Variants in DEFB134 observed in about 807,000 individuals in gnomAD.
The protein encoded by DEFB134 is defensin beta 134, also known as beta-defensin 134.
A neutral mutation model predicts 7.4 loss-of-function variants in DEFB134; 7 were observed. The ratio of observed to expected loss-of-function variants is 0.95; its 90% CI spans 0.54 to 1.79. The LOEUF (loss-of-function observed/expected upper bound fraction) is 1.79, where lower values mean the gene tolerates loss of function less well. Among genes scored for constraint, DEFB134 ranks in the 40% most tolerant of loss-of-function variants. The pLI is 0.00. For missense variants in DEFB134, 105 were observed against 74.8 expected (o/e 1.40, Z -1.49); for synonymous variants, 33 against 25.0 (o/e 1.32, Z -0.96).
chr8:11,994,083 T>A (rs1227348947), exon 2 of DEFB134: 1 of 1,613,606 alleles, frequency 6.2e-7, no homozygotes, highest in Non-Finnish European at 8.5e-7. Context: ...GCCATTTTTA[T>A]AGCATTTCTT....
upstream of DEFB134, among the ~76,000 whole-genome samples, chr8:12,000,158 C>T (rs1303970899): frequency 6.6e-6 from 1 of 152,230 alleles, no homozygotes; most frequent in African/African-American, 2.4e-5. Context: ...GTGGGAGATG[C>T]AGAAGGAAGC....
In DEFB134 at chr8:11,993,899, T is replaced by A. The variant is rs1027831857; in HGVS notation, c.*81A>T. The A allele has an allele frequency of 9.7e-6, 15 of 1,547,160 alleles. No individual in the cohort carries two copies. In the East Asian group the frequency reaches 3.4e-4, roughly 35 times the overall value. ...TCATGGACACATCATGGTGTCACAGTTTGATCTAAATTCCCTGGTTTTGTG... is the reference window on the plus strand; with the variant it reads ...TCATGGACACATCATGGTGTCACAGATTGATCTAAATTCCCTGGTTTTGTG... On this transcript the variant is annotated 3_prime_UTR_variant, in exon 2 of 2. Coordinates refer to ENST00000526438, the Ensembl canonical transcript of DEFB134.
intron 1 of DEFB134, 76 bp from the exon 3 acceptor site, chr8:11,994,198 T>C: frequency 6.7e-7 from 1 of 1,487,976 alleles, no homozygotes; most frequent in Non-Finnish European, 9.0e-7. Flanking sequence ...CCTCAATTTT[T>C]ATCCAACCGG....
chr8:11,998,827 A>G (rs2150561370), upstream of DEFB134, among the ~76,000 whole-genome samples: 1 of 152,288 alleles, frequency 6.6e-6, no homozygotes, highest in East Asian at 1.9e-4. Context: ...ATCCAAAAAA[A>G]CACAATCAGA....
In DEFB134 at chr8:11,993,637, G is replaced by A. The variant is rs112544402; in HGVS notation, c.*343C>T. ...CGAAGCTGAAGCGAAGGTAGGACAC[G>A]ACTTAGGTGTCAAAAGTTGTTTCCC... On this transcript the variant is annotated 3_prime_UTR_variant, in exon 2 of 2. Coordinates refer to ENST00000526438, the Ensembl canonical transcript of DEFB134. 502 of 191,252 alleles carry A rather than the reference G, an allele frequency of 2.6e-3. 3 individuals carry two copies. The Middle Eastern group carries it at 0.045, about 17-fold the overall frequency. 11.8% of individuals were successfully genotyped at this position (191,252 alleles called of 1,614,324 possible).
intron 1 of DEFB134, 77 bp downstream of exon 2, chr8:11,996,117 G>T: frequency 6.5e-7 from 1 of 1,540,898 alleles, no homozygotes; most frequent in Middle Eastern, 1.7e-4. Context: ...CATGGGTGGT[G>T]TATGTTTATT....
At chr8:12,000,705 T>C (rs1192859235), upstream of DEFB134, among the ~76,000 whole-genome samples, 1 of 152,226 alleles carries the variant, frequency 6.6e-6, no homozygotes, top group Non-Finnish European at 1.5e-5. Flanking sequence ...CAAAATATCT[T>C]ACTGTGCTAT....
At chr8:11,994,405 T>G (rs1198837751) in intron 1 of DEFB134, among the ~76,000 whole-genome samples, 1 of 152,188 alleles carries the variant, frequency 6.6e-6, no homozygotes, top group African/African-American at 2.4e-5. Context: ...CCAATAAGAT[T>G]GATAGGCTAA....
upstream of DEFB134, among the ~76,000 whole-genome samples, chr8:11,998,595 G>C (rs1448541383): frequency 6.6e-6 from 1 of 152,036 alleles, no homozygotes; most frequent in African/African-American, 2.4e-5. Flanking sequence ...AAAAGTTAGA[G>C]AGATCTCAAA....
chr8:11,999,036 G>T (rs994242634), upstream of DEFB134: 1 of 153,250 alleles, frequency 6.5e-6, no homozygotes, highest in African/African-American at 2.4e-5. Flanking sequence ...AATAGAATCA[G>T]TAGTAAAAAA....
At chr8:11,996,488 A>G (rs1049322917), upstream of DEFB134, among the ~76,000 whole-genome samples, 1 of 152,192 alleles carries the variant, frequency 6.6e-6, no homozygotes. Flanking sequence ...TGACAAAGAC[A>G]CTGTTCTCCC....
At chr8:11,995,563 C>G (rs79724500) in intron 1 of DEFB134, among the ~76,000 whole-genome samples, 5,021 of 152,254 alleles carry the variant, frequency 0.033, 287 homozygotes, top group African/African-American at 0.11. Context: ...CTCATCTGAT[C>G]AGGCATTTCT....
At chr8:11,996,087 A>G (rs11250186) in intron 1 of DEFB134, 107 bp downstream of exon 2, 779,769 of 1,339,060 alleles carry the variant, frequency 0.58, 233,273 homozygotes, top group East Asian at 0.88. Flanking sequence ...GCTTTTTTCT[A>G]GCTTGAAAAT....
intron 1 of DEFB134, among the ~76,000 whole-genome samples, chr8:11,995,979 G>A (rs1456145793): frequency 7.6e-6 from 1 of 131,576 alleles, no homozygotes; most frequent in African/African-American, 3.5e-5. Flanking sequence ...AGGAAACTAA[G>A]GCTCAGAGAA....
upstream of DEFB134, among the ~76,000 whole-genome samples, chr8:11,997,911 A>T (rs977202549): frequency 4.6e-5 from 7 of 152,312 alleles, no homozygotes; most frequent in Middle Eastern, 3.4e-3. Context: ...ACACCAACAG[A>T]ATACACATTC....
upstream of DEFB134, chr8:11,998,987 A>G (rs1800198735): frequency 6.6e-6 from 1 of 152,492 alleles, no homozygotes; most frequent in South Asian, 2.1e-4. Flanking sequence ...TGAACTGGAA[A>G]GAAATTGAAT....
chr8:11,994,157 C>T (rs1293701695), intron 1 of DEFB134, 35 bp from the exon 3 acceptor site: 2 of 1,590,124 alleles, frequency 1.3e-6, no homozygotes, highest in South Asian at 2.3e-5. Context: ...TAATTCACTA[C>T]AGGCCTTTTT....
chr8:11,998,980 A>G (rs1800198425), upstream of DEFB134: 1 of 152,434 alleles, frequency 6.6e-6, no homozygotes, highest in Non-Finnish European at 1.5e-5. Context: ...CCAAGGTTGA[A>G]CTGGAAAGAA....
upstream of DEFB134, chr8:11,999,064 G>GC (rs1800200947): frequency 6.5e-6 from 1 of 154,300 alleles, no homozygotes; most frequent in African/African-American, 2.4e-5. Flanking sequence ...AACAGAAAAA[G>GC]CCCAAGGCAG....
Sources: gnomAD v4.1 joint callset for allele counts (sites outside exome capture counted in the v4.1 genomes callset) on GRCh38, gnomAD v4.1.1 for gene constraint, MANE v1.5 for transcripts, NCBI Gene and HGNC (gene_info 2026-07-23, HGNC 2026-07-21) for gene names.